The following SDCCAG8 variants were observed in gnomAD, a reference collection of about 807,000 sequenced individuals.
SDCCAG8 encodes serologically defined colon cancer antigen 8.
SDCCAG8 carries 74 observed loss-of-function variants against 101.8 expected under a neutral mutation model. That is an observed-to-expected ratio of 0.73 (90% confidence interval 0.60 to 0.88). The LOEUF is 0.88. SDCCAG8 is among the 40% of genes least tolerant of loss of function. The probability of loss-of-function intolerance (pLI) is 0.00; values close to 1 mark genes in which losing one functional copy is unlikely to be tolerated. For missense variants in SDCCAG8, 787 were observed against 822.6 expected (o/e 0.96, Z 0.53); for synonymous variants, 281 against 292.9 (o/e 0.96, Z 0.41).
chr1:243,496,698 G>A (rs750468484), intron 17 of SDCCAG8, among the ~76,000 whole-genome samples: 1 of 152,220 alleles, frequency 6.6e-6, no homozygotes, highest in Non-Finnish European at 1.5e-5. Context: ...TGGGAACAAA[G>A]CAGCAGCAAA....
Position 243,366,246 on chromosome 1 carries a change from CTG to C in SDCCAG8, c.1474-12473_1474-12472del, listed in dbSNP as rs574194583. Among the ~76,000 whole-genome samples, 198 of 151,972 alleles carry C rather than the reference CTG, an allele frequency of 1.3e-3. 1 individual carries two copies. The highest frequency in any genetic ancestry group is 2.4e-3 in the Non-Finnish European group (160 of 67,866). On this transcript the variant is annotated intron_variant, in intron 12 of 17. Coordinates refer to ENST00000366541, the MANE Select transcript of SDCCAG8 (RefSeq NM_006642.5). ...TTATTTTTATAGATAGTGAAAGCAT[CTG>C]TATCTTATTTGAAAGTGCCTGTCAT...
At chr1:243,394,768 G>A (rs1431995845) in intron 13 of SDCCAG8, among the ~76,000 whole-genome samples, 2 of 151,870 alleles carry the variant, frequency 1.3e-5, no homozygotes, top group Admixed American at 6.6e-5. Flanking sequence ...TCAGCTCTTC[G>A]CCTTCACCTA....
chr1:243,476,999 T>TACACACACACACAC (rs531152514), intron 16 of SDCCAG8, among the ~76,000 whole-genome samples: 5 of 102,324 alleles, frequency 4.9e-5, no homozygotes, highest in African/African-American at 1.6e-4. Context: ...ACTGGTTCTG[T>TACACACACACACAC]ACACACACAC....
intron 13 of SDCCAG8, among the ~76,000 whole-genome samples, chr1:243,399,601 G>T (rs547740211): frequency 3.9e-5 from 6 of 152,096 alleles, no homozygotes; most frequent in South Asian, 2.1e-4. Context: ...CCGCCTCCCG[G>T]GTTCAAGTGA....
At chr1:243,378,648 TA>T in intron 12 of SDCCAG8, 72 bp from the exon 13 acceptor site, 2 of 1,517,274 alleles carry the variant, frequency 1.3e-6, no homozygotes, top group African/African-American at 1.4e-5. Context: ...TGGCAAAAAA[TA>T]AAAATGAGCT....
At chr1:243,362,821 T>C (rs754049068) in intron 12 of SDCCAG8, among the ~76,000 whole-genome samples, 7 of 152,246 alleles carry the variant, frequency 4.6e-5, no homozygotes, top group Non-Finnish European at 7.3e-5. Flanking sequence ...CAACTATCAT[T>C]TGCCTTATTG....
chr1:243,312,732 C>G (rs1202487282), intron 8 of SDCCAG8, among the ~76,000 whole-genome samples: 1 of 138,768 alleles, frequency 7.2e-6, no homozygotes, highest in African/African-American at 2.7e-5. Context: ...AAAATAATGG[C>G]TTGTACAGTT....
At chr1:243,357,520 A>C (rs1358104315) in intron 12 of SDCCAG8, among the ~76,000 whole-genome samples, 2 of 152,248 alleles carry the variant, frequency 1.3e-5, no homozygotes, top group Non-Finnish European at 2.9e-5. Context: ...GAAAGACTTT[A>C]ATAACTTAGT....
chr1:243,273,195 A>G (rs1475938198), intron 3 of SDCCAG8, among the ~76,000 whole-genome samples: 1 of 152,160 alleles, frequency 6.6e-6, no homozygotes, highest in Non-Finnish European at 1.5e-5. Flanking sequence ...CCAAAGCTCT[A>G]TTTTATTTTA....
chr1:243,264,971 A>T (rs2067473503), intron 1 of SDCCAG8, among the ~76,000 whole-genome samples: 1 of 152,208 alleles, frequency 6.6e-6, no homozygotes, highest in Admixed American at 6.5e-5. Context: ...TGGATAGGAA[A>T]CGGTAACTGG....
At chr1:243,497,828 G>A (rs1214082993) in intron 17 of SDCCAG8, among the ~76,000 whole-genome samples, 5 of 152,086 alleles carry the variant, frequency 3.3e-5, no homozygotes, top group Middle Eastern at 3.4e-3. Flanking sequence ...ACAGGGGTGC[G>A]CCACCACACA....
chr1:243,378,535 A>G (rs1317546859), intron 12 of SDCCAG8, among the ~76,000 whole-genome samples, 186 bp from the exon 13 acceptor site: 1 of 152,246 alleles, frequency 6.6e-6, no homozygotes, highest in Admixed American at 6.5e-5. Context: ...ACAATCCAAA[A>G]TAAAACCTCA....
intron 16 of SDCCAG8, among the ~76,000 whole-genome samples, chr1:243,454,454 T>C (rs1172120152): frequency 1.3e-5 from 2 of 152,062 alleles, no homozygotes; most frequent in Non-Finnish European, 2.9e-5. Context: ...TGGGAGGTAA[T>C]GCATCCACTC....
intron 9 of SDCCAG8, among the ~76,000 whole-genome samples, chr1:243,327,989 G>T (rs1434430359): frequency 6.6e-6 from 1 of 152,014 alleles, no homozygotes; most frequent in Non-Finnish European, 1.5e-5. Context: ...TGCAAGCTCC[G>T]CCTCCCGGGT....
At chr1:243,330,424 A>T in intron 9 of SDCCAG8, 116 bp from the exon 10 acceptor site, 1 of 967,286 alleles carries the variant, frequency 1.0e-6, no homozygotes, top group South Asian at 1.5e-5. Context: ...AATTATTCTA[A>T]TGGGCTTTAT....
intron 16 of SDCCAG8, among the ~76,000 whole-genome samples, chr1:243,465,871 G>T (rs1366570083): frequency 1.3e-5 from 2 of 152,100 alleles, no homozygotes; most frequent in East Asian, 3.9e-4. Flanking sequence ...GCGTATTGTT[G>T]TGGTATTATT....
chr1:243,487,376 C>T (rs1208907336), intron 16 of SDCCAG8, among the ~76,000 whole-genome samples: 2 of 152,214 alleles, frequency 1.3e-5, no homozygotes, highest in Non-Finnish European at 2.9e-5. Context: ...CGGGTAGGGG[C>T]CGATGAGGCT....
chr1:243,349,183 A>T (rs2075941893), intron 12 of SDCCAG8, among the ~76,000 whole-genome samples: 1 of 152,222 alleles, frequency 6.6e-6, no homozygotes, highest in Non-Finnish European at 1.5e-5. Context: ...GAGATTTTGC[A>T]TACTAATATA....
intron 13 of SDCCAG8, among the ~76,000 whole-genome samples, chr1:243,391,124 C>A (rs970870289): frequency 8.5e-5 from 13 of 152,192 alleles, no homozygotes; most frequent in South Asian, 2.1e-4. Context: ...TTCTTAAACA[C>A]CTCCTCCTAG....
Sources: gnomAD v4.1 joint callset for allele counts (sites outside exome capture counted in the v4.1 genomes callset) on GRCh38, gnomAD v4.1.1 for gene constraint, MANE v1.5 for transcripts, NCBI Gene and HGNC (gene_info 2026-07-23, HGNC 2026-07-21) for gene names.